The following ELAVL2 variants were observed in gnomAD, a reference collection of about 807,000 sequenced individuals.
ELAVL2 encodes ELAV like RNA binding protein 2.
In ELAVL2, 4 loss-of-function variants were observed where a neutral mutation model predicts 34.6. The ratio of observed to expected loss-of-function variants is 0.12; its 90% confidence interval spans 0.06 to 0.26. The LOEUF is 0.26. Among genes scored for constraint, ELAVL2 ranks in the 10% least tolerant of loss-of-function variants. The probability of loss-of-function intolerance (pLI) is 1.00; values close to 1 mark genes in which losing one functional copy is unlikely to be tolerated. For missense variants in ELAVL2, 432 were observed against 442.8 expected (o/e 0.98, Z 0.22); for synonymous variants, 193 against 154.8 (o/e 1.25, Z -1.83).
chr9:23,693,360 T>C, intron 6 of ELAVL2, 88 bp downstream of exon 6: 2 of 1,515,696 alleles, frequency 1.3e-6, no homozygotes, highest in South Asian at 1.2e-5. Flanking sequence ...AACAAAAACT[T>C]ATGAGGGGTG....
At chr9:23,801,182 A>G (rs983070792) in intron 1 of ELAVL2, among the ~76,000 whole-genome samples, 10 of 152,218 alleles carry the variant, frequency 6.6e-5, no homozygotes, top group Non-Finnish European at 8.8e-5. Context: ...GGAATACTGA[A>G]GTATGAAATA....
At chr9:23,775,876 A>C (rs1009296911) in intron 1 of ELAVL2, among the ~76,000 whole-genome samples, 1 of 152,196 alleles carries the variant, frequency 6.6e-6, no homozygotes, top group African/African-American at 2.4e-5. Context: ...GGAAGAGAGC[A>C]GACAAACCTC....
At chr9:23,769,249 A>T (rs2056881328) in intron 1 of ELAVL2, among the ~76,000 whole-genome samples, 1 of 152,134 alleles carries the variant, frequency 6.6e-6, no homozygotes, top group Non-Finnish European at 1.5e-5. Context: ...AACCTTTACC[A>T]CACCATCCTT....
rs192818193 is a variant in ELAVL2, at chr9:23,744,178, C to T, written c.230-13053G>A. Among the ~76,000 whole-genome samples, 75 of 152,250 alleles carry T rather than the reference C, an allele frequency of 4.9e-4. 1 individual carries two copies. The highest frequency in any genetic ancestry group is 1.7e-3 in the African/African-American group (71 of 41,552). On this transcript the variant is annotated intron_variant, in intron 2 of 6. Coordinates refer to ENST00000397312, the MANE Select transcript of ELAVL2 (RefSeq NM_004432.5). ...TGCACTAAAGGTACTCTCTGATGCT[C>T]GCCCCCACCTATTATTCTACCGTCT...
In ELAVL2 at chr9:23,692,669, G is replaced by C; in HGVS notation, c.968C>G (p.Thr323Ser). 3 of 1,614,186 alleles carry C rather than the reference G, an allele frequency of 1.9e-6. No individual in the cohort carries two copies. The highest frequency in any genetic ancestry group is 2.5e-6 in the Non-Finnish European group (3 of 1,179,998). Residue 323 changes from threonine to serine, a missense_variant, in exon 7 of 7, where the codon ACT (threonine) becomes AGT (serine). Thr to Ser is a moderately conservative substitution (Grantham distance 58). This residue lies in a region of ELAVL2 where 295 missense variants were observed against 306.1 expected (regional missense o/e 0.96). Coordinates refer to ENST00000397312, the MANE Select transcript of ELAVL2 (RefSeq NM_004432.5). ...GGCAGCCTCATCATAGTTTGTCATA[G>C]TCACAAATCCAAAACCTTTGCATTT... Reference protein sequence around the residue: ...TNKCKGFGFVTMTNYDEAAMA... With the variant: ...TNKCKGFGFVSMTNYDEAAMA...
At chr9:23,702,484 C>A (rs2037602888) in intron 4 of ELAVL2, among the ~76,000 whole-genome samples, 2 of 151,670 alleles carry the variant, frequency 1.3e-5, no homozygotes, top group East Asian at 1.9e-4. Flanking sequence ...CGTGAACAGG[C>A]TAGTGGGGTG....
At chr9:23,731,935 C>CA (rs1435145769) in intron 2 of ELAVL2, among the ~76,000 whole-genome samples, 1 of 152,136 alleles carries the variant, frequency 6.6e-6, no homozygotes, top group East Asian at 1.9e-4. Context: ...CCCTAGATCT[C>CA]AGACAATGGG....
At chr9:23,693,292 A>T (rs2033865167) in intron 6 of ELAVL2, among the ~76,000 whole-genome samples, 156 bp downstream of exon 6, 2 of 152,184 alleles carry the variant, frequency 1.3e-5, no homozygotes, top group African/African-American at 2.4e-5. Flanking sequence ...AAATTTCTTG[A>T]GTCAATTGTG....
At position 23,808,154 on chromosome 9, in the gene ELAVL2, T is replaced by A. The variant is rs112973119; in HGVS notation, c.-16+17652A>T. Among the ~76,000 whole-genome samples the A allele has an allele frequency of 9.4e-4, 143 of 152,252 alleles. 3 individuals are homozygous for A. The highest frequency in any genetic ancestry group is 3.4e-3 in the African/African-American group (142 of 41,554). On this transcript the variant is annotated intron_variant, in intron 1 of 6. Transcript: ENST00000397312. ...AAAATTAAAAACTAGTCTGTTTTTA[T>A]GTACAGTAAAAATAAGGTAGCTAGG...
chr9:23,739,090 A>T (rs1348358268), intron 2 of ELAVL2, among the ~76,000 whole-genome samples: 1 of 151,624 alleles, frequency 6.6e-6, no homozygotes, highest in Non-Finnish European at 1.5e-5. Flanking sequence ...CAAGTATTAC[A>T]CCGGGTACAC....
intron 2 of ELAVL2, among the ~76,000 whole-genome samples, chr9:23,739,521 C>T (rs1167762969): frequency 6.6e-6 from 1 of 152,050 alleles, no homozygotes; most frequent in Non-Finnish European, 1.5e-5. Flanking sequence ...ATAATTAATT[C>T]TACACAGATC....
At chr9:23,807,183 G>C (rs2062347852) in intron 1 of ELAVL2, among the ~76,000 whole-genome samples, 1 of 152,150 alleles carries the variant, frequency 6.6e-6, no homozygotes. Context: ...TAAGAGCCTA[G>C]TCAAGTAAGC....
chr9:23,755,641 C>T (rs1424886776), intron 2 of ELAVL2, among the ~76,000 whole-genome samples: 1 of 152,128 alleles, frequency 6.6e-6, no homozygotes, highest in East Asian at 1.9e-4. Flanking sequence ...GCACTAAAAT[C>T]TAAAAATAGA....
intron 1 of ELAVL2, among the ~76,000 whole-genome samples, chr9:23,801,367 C>T (rs1397137673): frequency 6.6e-6 from 1 of 152,130 alleles, no homozygotes; most frequent in Non-Finnish European, 1.5e-5. Context: ...ACTAATATTT[C>T]TTCTCTTGAA....
In ELAVL2 at chr9:23,826,239, T is replaced by G. The variant is rs958255922; in HGVS notation, c.-449A>C. 6.6e-6 allele frequency: 1 copy of G among 152,272 alleles called. No homozygotes were observed. The highest frequency in any genetic ancestry group is 1.5e-5 in the Non-Finnish European group (1 of 68,094). The allele number at this position is 152,272 out of a possible 1,614,324, so 9.4% of individuals were successfully genotyped here. On this transcript the variant is annotated 5_prime_UTR_variant, in exon 1 of 7. Transcript: ENST00000397312. Reference sequence around the variant, plus strand: ...GAACAGAAATAGGGGGGAGGACGTCTTAAAAGGGAGGTGGACTGGACCACA... The same window carrying G: ...GAACAGAAATAGGGGGGAGGACGTCGTAAAAGGGAGGTGGACTGGACCACA...
At chr9:23,806,714 T>G (rs541638335) in intron 1 of ELAVL2, among the ~76,000 whole-genome samples, 3 of 152,216 alleles carry the variant, frequency 2.0e-5, no homozygotes, top group African/African-American at 7.2e-5. Flanking sequence ...CCAATGTAGT[T>G]GAAAGTAACA....
intron 1 of ELAVL2, among the ~76,000 whole-genome samples, chr9:23,790,439 T>G (rs1302788512): frequency 6.6e-6 from 1 of 152,196 alleles, no homozygotes; most frequent in East Asian, 1.9e-4. Context: ...CTACTTAGGA[T>G]TAGTTACAGG....
intron 3 of ELAVL2, among the ~76,000 whole-genome samples, chr9:23,726,456 AT>A (rs970941439): frequency 6.6e-5 from 10 of 151,802 alleles, no homozygotes; most frequent in Non-Finnish European, 1.5e-5. Flanking sequence ...TCTAGACAGA[AT>A]TTTTTTTTCT....
At chr9:23,722,699 G>A (rs1196469090) in intron 3 of ELAVL2, among the ~76,000 whole-genome samples, 1 of 152,190 alleles carries the variant, frequency 6.6e-6, no homozygotes, top group Non-Finnish European at 1.5e-5. Context: ...CTACATTTCT[G>A]ATGCTTATTA....
Sources: allele counts gnomAD v4.1 joint callset (sites outside exome capture counted in the v4.1 genomes callset), GRCh38; gene constraint gnomAD v4.1.1; regional missense constraint gnomAD v4.1.1; transcripts MANE v1.5; gene names NCBI Gene and HGNC (gene_info 2026-07-23, HGNC 2026-07-21).